ADGRG1: variants seen among roughly 807,000 people sequenced by gnomAD.
ADGRG1 encodes the protein 7-transmembrane protein with no EGF-like N-terminal domains-1.
Under a neutral mutation model 73.5 loss-of-function variants are expected in ADGRG1, and 53 were observed. The observed-to-expected ratio is 0.72, with a 90% CI of 0.58 to 0.91. ADGRG1 has a LOEUF of 0.91. Ranked by LOEUF, ADGRG1 falls within the 40% of genes least tolerant of loss-of-function variation. The probability of loss-of-function intolerance (pLI) is 0.00; values close to 1 mark genes in which losing one functional copy is unlikely to be tolerated. For synonymous variants in ADGRG1, 394 were observed against 374.4 expected, an observed-to-expected ratio of 1.05 and a Z score of -0.60; for missense variants, 795 against 871.8, an observed-to-expected ratio of 0.91 and a Z score of 1.11.
rs763639286 is a variant in ADGRG1, at chr16:57,661,865, G to A, written c.1833G>A (p.Leu611=). The A allele has an allele frequency of 5.6e-6, 9 of 1,614,132 alleles. No homozygotes were observed. Among genetic ancestry groups the A allele is most frequent in the Non-Finnish European group, 7.6e-6 (9 of 1,180,036 alleles). ...TGCTGACACTGCTGGGCCTCAGCCT[G>A]GTCCTTGGCCTGCCCTGGGCCTTGA... is the stretch of plus-strand genomic sequence containing the variant. The part of the protein sequence containing the change: ...SHVLTLLGLS[L]VLGLPWALIF... Residue 611 remains leucine, a synonymous_variant, in exon 13 of 14, where the codon CTG becomes CTA. Transcript: ENST00000562631.
chr16:57,631,088 A>T (rs2037754179), intron 1 of ADGRG1: 2 of 976,482 alleles, frequency 2.0e-6, no homozygotes, highest in African/African-American at 1.9e-5. Flanking sequence ...GAGGTTGGCC[A>T]GGCAGTCCCA....
chr16:57,637,460 G>C, intron 1 of ADGRG1: 2 of 985,318 alleles, frequency 2.0e-6, no homozygotes, highest in Middle Eastern at 5.2e-4. Flanking sequence ...TGCCTCGTCT[G>C]TACCTCCCCC....
intron 1 of ADGRG1, chr16:57,643,042 C>T (rs774230023): frequency 1.1e-4 from 17 of 152,354 alleles, no homozygotes; most frequent in Admixed American, 7.8e-4. Context: ...TCCCTCTCCT[C>T]TTAGAATCTC....
intron 11 of ADGRG1, chr16:57,660,193 G>GTT (rs1423235554): frequency 2.1e-6 from 2 of 958,874 alleles, no homozygotes; most frequent in African/African-American, 3.5e-5. Flanking sequence ...CCACAAGTCT[G>GTT]TTTGGACATT....
At chr16:57,642,504 T>G in intron 1 of ADGRG1, 1 of 984,640 alleles carries the variant, frequency 1.0e-6, no homozygotes, top group Non-Finnish European at 1.2e-6. Flanking sequence ...GGATAACAGG[T>G]GTCCGTGCAA....
In ADGRG1 at chr16:57,651,635, C is replaced by T. The variant is rs752628156; in HGVS notation, c.487+13C>T. On this transcript the variant is annotated intron_variant, in intron 3 of 13. Transcript: ENST00000562631. The stretch of plus-strand genomic sequence containing the variant: ...TTCTCCTTCCACAGTAAGGCAACTT[C>T]CAGGCGGAGGGAACAACTGGGCAGT... 21 of 1,612,106 alleles carry T rather than the reference C, an allele frequency of 1.3e-5. No individual in the cohort carries two copies. Among genetic ancestry groups the T allele is most frequent in the Non-Finnish European group, 1.8e-5 (21 of 1,179,352 alleles).
At chr16:57,651,825 G>GCCCC in intron 3 of ADGRG1, 1 of 1,463,962 alleles carries the variant, frequency 6.8e-7, no homozygotes. Context: ...ACTGCGCTCG[G>GCCCC]CCCCACTGTC....
Position 57,656,557 on chromosome 16 carries a change from C to T in ADGRG1, c.1107C>T (p.Val369=), listed in dbSNP as rs1370976100. The T allele has an allele frequency of 6.2e-7, 1 of 1,613,936 alleles. No individual in the cohort carries two copies. The highest frequency in any genetic ancestry group is 1.7e-5 in the Admixed American group (1 of 60,022). The change falls in exon 9 of 14, where the codon GTC becomes GTT. Residue 369 remains valine (V), a synonymous_variant. Coordinates refer to ENST00000562631, the MANE Select transcript of ADGRG1 (RefSeq NM_201525.4). ...GGAGCAGTGCTGGGTGTGAGACCGT[C>T]AGGAGAGAAACCCAAACATCCTGCT... The part of the protein sequence containing the change: ...GHWSSAGCET[V]RRETQTSCFC...
chr16:57,635,267 A>G, intron 1 of ADGRG1: 3 of 985,216 alleles, frequency 3.0e-6, no homozygotes, highest in African/African-American at 3.5e-5. Flanking sequence ...GCTTCCTCAA[A>G]GCTGTACTTA....
intron 4 of ADGRG1, 134 bp downstream of exon 4, chr16:57,653,469 C>T: frequency 6.7e-7 from 1 of 1,496,792 alleles, no homozygotes; most frequent in Non-Finnish European, 8.9e-7. Flanking sequence ...ATTTCTCTTT[C>T]TGCCTTCTGG....
intron 3 of ADGRG1, 186 bp from the exon 4 acceptor site, chr16:57,653,017 C>G (rs914690732): frequency 1.2e-5 from 18 of 1,458,352 alleles, no homozygotes; most frequent in Middle Eastern, 2.5e-4. Context: ...AGACACAACC[C>G]CCACGGGTTG....
chr16:57,645,331 C>T (rs1427964773), intron 1 of ADGRG1: 11 of 985,192 alleles, frequency 1.1e-5, no homozygotes, highest in Admixed American at 1.2e-4. Flanking sequence ...AGATTGCCTC[C>T]GGGGCTCCCT....
intron 5 of ADGRG1, among the ~76,000 whole-genome samples, chr16:57,654,373 T>C (rs2044956186): frequency 6.7e-6 from 1 of 148,764 alleles, no homozygotes; most frequent in Non-Finnish European, 1.5e-5. Context: ...GCCACCCGTG[T>C]GAACAGAAGA....
At chr16:57,647,042 C>T (rs1273955575) in intron 1 of ADGRG1, 6 of 884,220 alleles carry the variant, frequency 6.8e-6, no homozygotes, top group African/African-American at 2.2e-5. Context: ...TGCGGAGACT[C>T]ATGCTACATC....
chr16:57,630,985 G>A (rs2037713690), intron 1 of ADGRG1: 1 of 986,050 alleles, frequency 1.0e-6, no homozygotes, highest in Non-Finnish European at 1.2e-6. Context: ...GGGAAGAGAG[G>A]CAGGAGGACT....
At chr16:57,657,959 C>T (rs562551470) in intron 10 of ADGRG1, among the ~76,000 whole-genome samples, 1 of 152,058 alleles carries the variant, frequency 6.6e-6, no homozygotes, top group East Asian at 1.9e-4. Context: ...TCAGGCTGGT[C>T]TCGAACTCCT....
rs2043183552 is a variant in ADGRG1 at position 57,648,326 on chromosome 16, A to T, written c.-35-1927A>T. The stretch of plus-strand genomic sequence containing the variant: ...GTGGCAGGAGGCAGTTTCAAAAGGA[A>T]TCAAAATGCTTACAAATCACAACCT... On this transcript the variant is annotated intron_variant, in intron 1 of 13. Transcript: ENST00000562631. 8.3e-6 allele frequency: 3 copies of T among 359,846 alleles called. No individual in the cohort carries two copies. The Admixed American group carries it at 1.9e-4, about 23-fold the overall frequency. 22.3% of individuals were successfully genotyped at this position (359,846 alleles called of 1,614,324 possible). A position where few individuals can be genotyped will look rare whatever the true frequency, so the allele number is the denominator to read the frequency against.
intron 1 of ADGRG1, chr16:57,643,650 C>A: frequency 1.0e-6 from 1 of 984,236 alleles, no homozygotes; most frequent in Non-Finnish European, 1.2e-6. Flanking sequence ...TGCCAGCCTC[C>A]GAGGCAGGCA....
At chr16:57,633,060 C>T in intron 1 of ADGRG1, 1 of 633,020 alleles carries the variant, frequency 1.6e-6, no homozygotes, top group Admixed American at 6.3e-5. Flanking sequence ...TGCTCAAGGC[C>T]CATGGGGGAA....
Sources: gnomAD v4.1 joint callset for allele counts (sites outside exome capture counted in the v4.1 genomes callset) on GRCh38, gnomAD v4.1.1 for gene constraint, MANE v1.5 for transcripts, NCBI Gene and HGNC (gene_info 2026-07-23, HGNC 2026-07-21) for gene names.